The following ANAPC7 variants were observed in gnomAD, a reference collection of about 807,000 sequenced individuals.
ANAPC7 encodes the protein anaphase-promoting complex subunit 7.
A neutral mutation model predicts 63.3 loss-of-function variants in ANAPC7; 25 were observed. That is an observed-to-expected ratio of 0.39 (90% CI 0.29 to 0.55). The LOEUF (loss-of-function observed/expected upper bound fraction) is 0.55. ANAPC7 is among the 20% of genes least tolerant of loss of function. The pLI, the probability that ANAPC7 is intolerant of heterozygous loss-of-function variation, is 0.57. For missense variants in ANAPC7, 516 were observed against 691.7 expected (o/e 0.75, Z 2.85); for synonymous variants, 241 against 251.7 (o/e 0.96, Z 0.40).
intron 7 of ANAPC7, among the ~76,000 whole-genome samples, chr12:110,382,440 TTAAAAAAAAAA>T (rs1416063709): frequency 3.7e-4 from 10 of 26,760 alleles, no homozygotes; most frequent in African/African-American, 1.8e-3. Flanking sequence ...GATTATCCTT[TTAAAAAAAAAA>T]AAAAAAAAAA....
intron 1 of ANAPC7, among the ~76,000 whole-genome samples, chr12:110,400,142 AG>A (rs2062208766): frequency 6.6e-6 from 1 of 152,178 alleles, no homozygotes; most frequent in Non-Finnish European, 1.5e-5. Flanking sequence ...AGATGACTTA[AG>A]TTCTCTTCAA....
intron 1 of ANAPC7, among the ~76,000 whole-genome samples, chr12:110,399,783 T>A (rs1290648638): frequency 3.1e-5 from 4 of 128,646 alleles, no homozygotes; most frequent in Non-Finnish European, 6.5e-5. Context: ...AGAGAGAGAC[T>A]CTGTCTCAGA....
intron 1 of ANAPC7, among the ~76,000 whole-genome samples, chr12:110,397,148 G>A (rs1159205584): frequency 2.6e-5 from 4 of 151,428 alleles, no homozygotes; most frequent in African/African-American, 4.9e-5. Flanking sequence ...GTAGTGAGCC[G>A]AGATCATGCC....
At chr12:110,377,695 A>T (rs1881416350) in intron 8 of ANAPC7, 78 bp from the exon 9 acceptor site, 1 of 1,592,258 alleles carries the variant, frequency 6.3e-7, no homozygotes, top group Admixed American at 1.7e-5. Context: ...CAGCTCTCCA[A>T]ATTGCTAACC....
At chr12:110,388,695 C>T in intron 3 of ANAPC7, 72 bp from the exon 4 acceptor site, 1 of 1,174,246 alleles carries the variant, frequency 8.5e-7, no homozygotes. Flanking sequence ...ATGAAAAAGT[C>T]CTAATTTTCA....
chr12:110,395,745 A>G (rs1883518645), intron 2 of ANAPC7, among the ~76,000 whole-genome samples: 1 of 151,960 alleles, frequency 6.6e-6, no homozygotes, highest in South Asian at 2.1e-4. Context: ...TCACCGTGTT[A>G]GCCAGGATGG....
At chr12:110,391,917 C>T (rs1266077588) in intron 3 of ANAPC7, among the ~76,000 whole-genome samples, 1 of 151,818 alleles carries the variant, frequency 6.6e-6, no homozygotes, top group Non-Finnish European at 1.5e-5. Flanking sequence ...CATGGTGAAA[C>T]CCCGTCTCCA....
intron 1 of ANAPC7, among the ~76,000 whole-genome samples, chr12:110,399,550 T>G (rs947774286): frequency 6.6e-6 from 1 of 151,978 alleles, no homozygotes; most frequent in Non-Finnish European, 1.5e-5. Context: ...ACGGTTTCTT[T>G]TTGTTGGGAT....
intron 5 of ANAPC7, 167 bp downstream of exon 5, chr12:110,387,564 GATGATTAC>G (rs1882727204): frequency 1.5e-6 from 1 of 658,928 alleles, no homozygotes; most frequent in African/African-American, 1.8e-5. Flanking sequence ...CTCCAACAGA[GATGATTAC>G]ATGATTACAT....
At chr12:110,396,214 G>C in intron 2 of ANAPC7, 52 bp downstream of exon 2, 3 of 1,510,566 alleles carry the variant, frequency 2.0e-6, no homozygotes, top group Non-Finnish European at 2.7e-6. Context: ...CTAAATTCTT[G>C]GAGTCTTTCT....
chr12:110,383,819 T>C (rs1196127425), intron 6 of ANAPC7, among the ~76,000 whole-genome samples: 1 of 127,550 alleles, frequency 7.8e-6, no homozygotes, highest in Non-Finnish European at 1.5e-5. Flanking sequence ...GAGGTTGCAG[T>C]GAGCCAAGAT....
chr12:110,382,780 A>T, intron 7 of ANAPC7, 63 bp downstream of exon 7: 2 of 1,378,010 alleles, frequency 1.5e-6, no homozygotes, highest in Non-Finnish European at 1.0e-6. Context: ...TATTCTCTTC[A>T]AGAGCAACCA....
At chr12:110,393,255 T>C (rs978291525) in intron 3 of ANAPC7, among the ~76,000 whole-genome samples, 1 of 152,236 alleles carries the variant, frequency 6.6e-6, no homozygotes, top group Non-Finnish European at 1.5e-5. Flanking sequence ...ACCAAATGTG[T>C]ACACCTATGG....
In ANAPC7 at chr12:110,390,052, C is replaced by G. The variant is rs1164227947; in HGVS notation, c.409-1429G>C. 2.6e-5 allele frequency among the ~76,000 whole-genome samples: 4 copies of G among 152,114 alleles called. 1 individual carries two copies. The South Asian group carries it at 6.2e-4, about 24-fold the overall frequency. On this transcript the variant is annotated intron_variant, in intron 3 of 10. Coordinates refer to ENST00000455511, the MANE Select transcript of ANAPC7 (RefSeq NM_016238.3). The stretch of plus-strand genomic sequence containing the variant: ...CTTCCTAATAGTACACAGATAAACA[C>G]AATATTCCAATTTAAAATTAGATTT...
intron 5 of ANAPC7, 79 bp downstream of exon 5, chr12:110,387,660 T>G (rs1882733431): frequency 6.6e-7 from 1 of 1,504,976 alleles, no homozygotes; most frequent in African/African-American, 1.4e-5. Flanking sequence ...CTCATTTTTC[T>G]TTTTGCTACT....
intron 7 of ANAPC7, among the ~76,000 whole-genome samples, chr12:110,382,496 T>TATATATATATATATA (rs1566264542): frequency 5.1e-4 from 41 of 79,984 alleles, no homozygotes; most frequent in African/African-American, 1.9e-3. Flanking sequence ...ATATATATAT[T>TATATATATATATATA]TATAGAGACA....
chr12:110,395,233 G>A lies in ANAPC7; in HGVS notation c.289-13C>T. On this transcript the variant is annotated splice_polypyrimidine_tract_variant and intron_variant, in intron 2 of 10. Transcript: ENST00000455511. ...CAGATGGAAGACACTAAAAGACAAT[G>A]GAAATATTTCTTTGAAACGTTATTC... 3 of 1,601,258 alleles carry A rather than the reference G, an allele frequency of 1.9e-6. No homozygotes were observed. The highest frequency in any genetic ancestry group is 2.6e-6 in the Non-Finnish European group (3 of 1,173,564).
At chr12:110,403,100 G>A (rs931935972) in intron 1 of ANAPC7, among the ~76,000 whole-genome samples, 7 of 152,106 alleles carry the variant, frequency 4.6e-5, no homozygotes, top group Admixed American at 3.9e-4. Flanking sequence ...CTTAACGGGG[G>A]GACCAATCTC....
At chr12:110,375,962 C>A (rs1881227797) in intron 10 of ANAPC7, 104 bp downstream of exon 10, 1 of 1,410,852 alleles carries the variant, frequency 7.1e-7, no homozygotes, top group Non-Finnish European at 9.3e-7. Context: ...CTGCTTTCAA[C>A]CATGGACACA....
Sources: gnomAD v4.1 joint callset for allele counts (sites outside exome capture counted in the v4.1 genomes callset) on GRCh38, gnomAD v4.1.1 for gene constraint, MANE v1.5 for transcripts, NCBI Gene and HGNC (gene_info 2026-07-23, HGNC 2026-07-21) for gene names.